The following ANKS1B variants were observed in gnomAD, a reference collection of about 807,000 sequenced individuals.
The protein encoded by ANKS1B is ankyrin repeat and sterile alpha motif domain-containing protein 1B.
In ANKS1B, 36 loss-of-function variants were observed where a neutral mutation model predicts 148.3. The observed-to-expected ratio is 0.24, with a 90% confidence interval of 0.19 to 0.32. ANKS1B has a LOEUF of 0.32. Among genes scored for constraint, ANKS1B ranks in the 10% least tolerant of loss-of-function variants. ANKS1B has a pLI of 1.00. For synonymous variants in ANKS1B, 542 were observed against 560.8 expected, an observed-to-expected ratio of 0.97 and a Z score of 0.47; for missense variants, 1,157 against 1,542.6, an observed-to-expected ratio of 0.75 and a Z score of 4.19.
chr12:99,424,622 A>AACAC lies in ANKS1B; in HGVS notation c.1575+19047_1575+19050dup, dbSNP rs200308044. On this transcript the variant is annotated intron_variant, in intron 11 of 26. Coordinates refer to ENST00000683438, the MANE Select transcript of ANKS1B (RefSeq NM_001352186.2). ...TTTTTCCTCCTGTACAGGTAGCAGA[A>AACAC]ACACACACACACACACACACACACA... Among the ~76,000 whole-genome samples, 194 of 147,452 alleles carry AACAC rather than the reference A, an allele frequency of 1.3e-3. 3 individuals are homozygous for AACAC. The highest frequency in any genetic ancestry group is 6.8e-3 in the Middle Eastern group (2 of 292).
At chr12:99,352,537 T>C (rs2091540620) in intron 12 of ANKS1B, among the ~76,000 whole-genome samples, 1 of 152,056 alleles carries the variant, frequency 6.6e-6, no homozygotes. Flanking sequence ...GCTTTGCCTT[T>C]AATCAATGTA....
intron 10 of ANKS1B, among the ~76,000 whole-genome samples, chr12:99,466,654 C>A (rs12819605): frequency 1.3e-5 from 2 of 151,408 alleles, no homozygotes; most frequent in Non-Finnish European, 2.9e-5. Flanking sequence ...GAGAATACTA[C>A]AAACACCTCT....
intron 17 of ANKS1B, among the ~76,000 whole-genome samples, chr12:98,873,567 G>A (rs902262934): frequency 1.3e-5 from 2 of 152,140 alleles, no homozygotes; most frequent in Non-Finnish European, 2.9e-5. Flanking sequence ...TGGAAAAGGT[G>A]GAAGAAGAGA....
intron 14 of ANKS1B, among the ~76,000 whole-genome samples, chr12:99,211,624 CAGGA>C (rs2153912734): frequency 6.6e-6 from 1 of 152,242 alleles, no homozygotes; most frequent in Non-Finnish European, 1.5e-5. Context: ...CTTTTGACAC[CAGGA>C]AGGACCCGCT....
chr12:99,535,279 C>T (rs1735642090), intron 9 of ANKS1B, among the ~76,000 whole-genome samples: 1 of 152,138 alleles, frequency 6.6e-6, no homozygotes, highest in African/African-American at 2.4e-5. Flanking sequence ...TTTGAAACTC[C>T]TCTGGTTTCC....
intron 10 of ANKS1B, among the ~76,000 whole-genome samples, chr12:99,481,665 T>C (rs2039383787): frequency 6.6e-6 from 1 of 151,960 alleles, no homozygotes; most frequent in Admixed American, 6.6e-5. Flanking sequence ...CAGCAGTGAA[T>C]AGGTGTTCCC....
chr12:98,859,119 C>T (rs1043623053), intron 17 of ANKS1B, among the ~76,000 whole-genome samples: 2 of 152,084 alleles, frequency 1.3e-5, no homozygotes, highest in African/African-American at 4.8e-5. Context: ...GTTTGATTCC[C>T]GAATCACACA....
intron 17 of ANKS1B, among the ~76,000 whole-genome samples, chr12:98,869,688 T>G (rs1035700244): frequency 6.6e-6 from 1 of 152,020 alleles, no homozygotes; most frequent in East Asian, 1.9e-4. Context: ...TGCATACATA[T>G]GTATGTGTGT....
intron 9 of ANKS1B, among the ~76,000 whole-genome samples, chr12:99,593,436 G>A (rs1046451308): frequency 2.0e-5 from 3 of 151,912 alleles, no homozygotes; most frequent in Non-Finnish European, 4.4e-5. Context: ...AATTTATAAA[G>A]AATACCTAAA....
intron 1 of ANKS1B, among the ~76,000 whole-genome samples, chr12:99,851,837 T>C (rs971701072): frequency 6.6e-6 from 1 of 152,212 alleles, no homozygotes; most frequent in Non-Finnish European, 1.5e-5. Context: ...AATACTGTGG[T>C]GGTTTTCAAA....
chr12:99,581,609 G>A (rs1268021096), intron 9 of ANKS1B, among the ~76,000 whole-genome samples: 6 of 152,104 alleles, frequency 3.9e-5, no homozygotes, highest in African/African-American at 7.2e-5. Flanking sequence ...ATGAAAAGTC[G>A]GCCGGGCGCG....
chr12:99,960,244 C>T (rs763024120), intron 1 of ANKS1B, among the ~76,000 whole-genome samples: 5 of 152,200 alleles, frequency 3.3e-5, no homozygotes, highest in South Asian at 2.1e-4. Context: ...CGCTTAAATC[C>T]CTATAGATAA....
At chr12:99,358,232 G>A (rs938412382) in intron 12 of ANKS1B, among the ~76,000 whole-genome samples, 2 of 151,958 alleles carry the variant, frequency 1.3e-5, no homozygotes, top group African/African-American at 4.8e-5. Context: ...TTAGTTGCAT[G>A]ATTTTATTAC....
intron 15 of ANKS1B, among the ~76,000 whole-genome samples, chr12:99,137,649 C>T (rs2068611229): frequency 2.0e-5 from 3 of 152,072 alleles, no homozygotes; most frequent in Admixed American, 1.3e-4. Flanking sequence ...TATGTATTTC[C>T]TCTTTTCATT....
At chr12:98,783,350 G>T (rs1250980706) in intron 22 of ANKS1B, among the ~76,000 whole-genome samples, 3 of 152,178 alleles carry the variant, frequency 2.0e-5, no homozygotes, top group African/African-American at 7.2e-5. Context: ...GAGCTCAGTA[G>T]AAAAGAGGGC....
intron 15 of ANKS1B, among the ~76,000 whole-genome samples, chr12:99,119,960 A>T (rs1321194306): frequency 1.3e-5 from 2 of 152,230 alleles, no homozygotes; most frequent in East Asian, 1.9e-4. Flanking sequence ...AATATTAAAC[A>T]TCAAAATAAA....
At position 99,139,464 on chromosome 12, in the gene ANKS1B, A is replaced by G. The variant is rs557048144; in HGVS notation, c.2526+14825T>C. On this transcript the variant is annotated intron_variant, in intron 15 of 26. Coordinates refer to ENST00000683438, the MANE Select transcript of ANKS1B (RefSeq NM_001352186.2). ...TTTTTCTTTCTTTCTTTCTTTCAAGATAGGAGTCTCACTGTGTTGCTCAGA... is the reference window on the plus strand; with the variant it reads ...TTTTTCTTTCTTTCTTTCTTTCAAGGTAGGAGTCTCACTGTGTTGCTCAGA... Among the ~76,000 whole-genome samples, 521 of 89,778 alleles carry G rather than the reference A, an allele frequency of 5.8e-3. 8 individuals are homozygous for G. Among genetic ancestry groups the G allele is most frequent in the Middle Eastern group, 0.01 (2 of 200 alleles). The allele number at this position is 89,778 out of a possible 152,430, so 58.9% of individuals were successfully genotyped here.
intron 7 of ANKS1B, 61 bp from the exon 8 acceptor site, chr12:99,773,149 C>A: frequency 7.0e-7 from 1 of 1,422,258 alleles, no homozygotes; most frequent in South Asian, 1.4e-5. Context: ...TAATGTTAAG[C>A]AATAAAAATA....
intron 12 of ANKS1B, among the ~76,000 whole-genome samples, chr12:99,319,898 G>GTC (rs1429652408): frequency 6.6e-6 from 1 of 152,126 alleles, no homozygotes; most frequent in Non-Finnish European, 1.5e-5. Flanking sequence ...TGGTGACAAA[G>GTC]TCTCTCAGCA....
Sources: gnomAD v4.1 joint callset for allele counts (sites outside exome capture counted in the v4.1 genomes callset) on GRCh38, gnomAD v4.1.1 for gene constraint, MANE v1.5 for transcripts, NCBI Gene and HGNC (gene_info 2026-07-23, HGNC 2026-07-21) for gene names.